Variants in GRM5 observed in about 807,000 individuals in gnomAD.
The protein encoded by GRM5 is metabotropic glutamate receptor 5.
A neutral mutation model predicts 83.1 loss-of-function variants in GRM5; 19 were observed. The ratio of observed to expected loss-of-function variants is 0.23; its 90% CI spans 0.16 to 0.34. The LOEUF (loss-of-function observed/expected upper bound fraction) is 0.34, where lower values mean the gene tolerates loss of function less well. GRM5 is among the 10% of genes least tolerant of loss of function. The pLI is 1.00. For synonymous variants in GRM5, 675 were observed against 633.6 expected (o/e 1.07, Z -0.98); for missense variants, 1,160 against 1,588.3 (o/e 0.73, Z 4.58).
At chr11:88,648,962 C>A (rs908843449) in intron 4 of GRM5, among the ~76,000 whole-genome samples, 1 of 149,654 alleles carries the variant, frequency 6.7e-6, no homozygotes, top group Non-Finnish European at 1.5e-5. Flanking sequence ...ATTCTACAGG[C>A]TTAAGGAGCT....
rs183670049 is a variant in GRM5, at chr11:88,934,890, G to A, written c.662-84735C>T. On this transcript the variant is annotated intron_variant, in intron 2 of 9. Coordinates refer to ENST00000305447, the MANE Select transcript of GRM5 (RefSeq NM_001143831.3). Reference sequence around the variant, plus strand: ...AAACACTGGACTATAGAAACAGGCCGTCAATAGACAATAAGGTTTGCCAAA... The same window carrying A: ...AAACACTGGACTATAGAAACAGGCCATCAATAGACAATAAGGTTTGCCAAA... Among the ~76,000 whole-genome samples, 438 of 151,966 alleles carry A rather than the reference G, an allele frequency of 2.9e-3. 1 individual carries two copies. The highest frequency in any genetic ancestry group is 6.0e-3 in the Admixed American group (91 of 15,184).
chr11:88,854,135 T>C (rs990561524), intron 2 of GRM5, among the ~76,000 whole-genome samples: 2 of 148,944 alleles, frequency 1.3e-5, no homozygotes, highest in African/African-American at 5.0e-5. Flanking sequence ...AAAAGAAAAA[T>C]TTCTGCCATT....
At chr11:88,645,322 G>A (rs949838444) in intron 4 of GRM5, among the ~76,000 whole-genome samples, 9 of 152,092 alleles carry the variant, frequency 5.9e-5, no homozygotes, top group Non-Finnish European at 8.8e-5. Context: ...GTCAAAGTAA[G>A]AACAGAAAAC....
intron 3 of GRM5, among the ~76,000 whole-genome samples, chr11:88,719,564 T>C (rs1251773692): frequency 1.3e-5 from 2 of 152,120 alleles, no homozygotes; most frequent in East Asian, 3.9e-4. Context: ...TTACATATTT[T>C]GGGGTATATA....
intron 2 of GRM5, among the ~76,000 whole-genome samples, chr11:88,927,262 T>C (rs752749677): frequency 7.2e-5 from 11 of 152,100 alleles, no homozygotes; most frequent in Non-Finnish European, 1.6e-4. Flanking sequence ...CGTAGCCAAA[T>C]ACCCCAGAAT....
intron 8 of GRM5, among the ~76,000 whole-genome samples, chr11:88,529,378 T>C (rs1051653703): frequency 2.5e-4 from 38 of 151,040 alleles, no homozygotes; most frequent in African/African-American, 8.3e-4. Flanking sequence ...TAGTGAGATA[T>C]GATACGTAAG....
chr11:88,739,615 G>A (rs1941988744), intron 3 of GRM5, among the ~76,000 whole-genome samples: 2 of 152,140 alleles, frequency 1.3e-5, no homozygotes, highest in South Asian at 2.1e-4. Flanking sequence ...GTTGTCCCAT[G>A]TTGTTCTCGT....
chr11:88,849,675 A>C (rs1203353040), intron 3 of GRM5, among the ~76,000 whole-genome samples: 2 of 152,350 alleles, frequency 1.3e-5, no homozygotes, highest in East Asian at 3.9e-4. Context: ...TTTAGGACTT[A>C]AAGATGCATC....
intron 3 of GRM5, among the ~76,000 whole-genome samples, chr11:88,668,797 G>A (rs1940118124): frequency 6.6e-6 from 1 of 152,090 alleles, no homozygotes; most frequent in Non-Finnish European, 1.5e-5. Flanking sequence ...TTGAATAGCA[G>A]CTCCCCATTT....
At chr11:88,652,812 T>C (rs952129531) in intron 4 of GRM5, among the ~76,000 whole-genome samples, 3 of 152,084 alleles carry the variant, frequency 2.0e-5, no homozygotes, top group Non-Finnish European at 4.4e-5. Context: ...CTGTGCTAAC[T>C]ACTCTGGATA....
chr11:88,915,867 T>C (rs1465082961), intron 2 of GRM5, among the ~76,000 whole-genome samples: 1 of 152,146 alleles, frequency 6.6e-6, no homozygotes, highest in African/African-American at 2.4e-5. Context: ...AGTTTTTTAG[T>C]CTCATGGTTG....
At chr11:88,665,162 T>TACACACACACACACACAC (rs1214459891) in intron 3 of GRM5, among the ~76,000 whole-genome samples, 15,617 of 140,694 alleles carry the variant, frequency 0.11, 1,025 homozygotes, top group South Asian at 0.2. Flanking sequence ...TTAATTTATT[T>TACACACACACACACACAC]ACACACACAC....
chr11:88,838,542 C>T (rs1392466973), intron 3 of GRM5, among the ~76,000 whole-genome samples: 2 of 152,124 alleles, frequency 1.3e-5, no homozygotes, highest in East Asian at 3.8e-4. Context: ...ATTTGGTTTT[C>T]ATTTAGCTAA....
At chr11:88,679,794 AT>A (rs1940430530) in intron 3 of GRM5, among the ~76,000 whole-genome samples, 1 of 152,176 alleles carries the variant, frequency 6.6e-6, no homozygotes, top group Non-Finnish European at 1.5e-5. Flanking sequence ...CTTGATTTAT[AT>A]TAATTCAGTA....
Position 88,921,918 on chromosome 11 carries a change from C to CA in GRM5, c.662-71764dup, listed in dbSNP as rs59956434. ...AGTTTCAGAATACCAAATAAAAATA[C>CA]AAAAAAAACCGTATTTCTATATGCC... On this transcript the variant is annotated intron_variant, in intron 2 of 9. Coordinates refer to ENST00000305447, the MANE Select transcript of GRM5 (RefSeq NM_001143831.3). Among the ~76,000 whole-genome samples the CA allele has an allele frequency of 9.1e-3, 1,358 of 149,790 alleles. 21 individuals carry two copies. Among genetic ancestry groups the CA allele is most frequent in the African/African-American group, 0.03 (1,241 of 40,898 alleles).
chr11:88,580,529 G>C (rs1320745702), intron 7 of GRM5, among the ~76,000 whole-genome samples: 1 of 152,182 alleles, frequency 6.6e-6, no homozygotes, highest in Non-Finnish European at 1.5e-5. Context: ...AATATCAAAA[G>C]TGTATAATGA....
intron 3 of GRM5, among the ~76,000 whole-genome samples, chr11:88,817,979 T>C (rs1943720871): frequency 6.6e-6 from 1 of 152,120 alleles, no homozygotes; most frequent in African/African-American, 2.4e-5. Context: ...TTAGAAGCAG[T>C]AAGTACTCAC....
chr11:89,040,795 G>A (rs1941513264), intron 2 of GRM5, among the ~76,000 whole-genome samples: 2 of 152,024 alleles, frequency 1.3e-5, no homozygotes, highest in Admixed American at 1.3e-4. Context: ...AGGAAGGAAA[G>A]AGAAGGAGGA....
intron 2 of GRM5, among the ~76,000 whole-genome samples, chr11:88,906,557 A>G (rs531410646): frequency 7.2e-5 from 11 of 152,304 alleles, no homozygotes; most frequent in African/African-American, 2.2e-4. Flanking sequence ...GAGTAAACTT[A>G]CATTTCTATG....
Sources: gnomAD v4.1 joint callset for allele counts (sites outside exome capture counted in the v4.1 genomes callset) on GRCh38, gnomAD v4.1.1 for gene constraint, MANE v1.5 for transcripts, NCBI Gene and HGNC (gene_info 2026-07-23, HGNC 2026-07-21) for gene names.